Variants in PCDHA2 observed in about 807,000 individuals in gnomAD.
PCDHA2 encodes protocadherin alpha 2, also known as protocadherin alpha-2.
PCDHA2 carries 58 observed loss-of-function variants against 66.0 expected under a neutral mutation model. That is an observed-to-expected ratio of 0.88 (90% CI 0.71 to 1.09). The LOEUF (loss-of-function observed/expected upper bound fraction) is 1.09, where lower values mean the gene tolerates loss of function less well. Among genes scored for constraint, PCDHA2 ranks in the 50% least tolerant of loss-of-function variants. PCDHA2 has a pLI of 0.00. For missense variants in PCDHA2, 1,267 were observed against 1,242.3 expected (o/e 1.02, Z -0.30); for synonymous variants, 634 against 554.0 (o/e 1.14, Z -2.03).
intron 1 of PCDHA2, among the ~76,000 whole-genome samples, chr5:140,819,167 G>A (rs1766503722): frequency 6.6e-6 from 1 of 152,002 alleles, no homozygotes; most frequent in Non-Finnish European, 1.5e-5. Flanking sequence ...ATTAATTTTT[G>A]AAGAATCAAA....
rs2150311050 is a variant in PCDHA2, at chr5:140,841,098, T to C, written c.2388+43746T>C. The C allele has an allele frequency of 1.6e-4, 93 of 572,610 alleles. 1 individual carries two copies. The highest frequency in any genetic ancestry group is 1.4e-3 in the African/African-American group (77 of 53,518). The allele number at this position is 572,610 out of a possible 1,614,324, so 35.5% of individuals were successfully genotyped here. On this transcript the variant is annotated intron_variant, in intron 1 of 3. Transcript: ENST00000526136. ...GAAAGTGCATAGAAGAACCCAGATA[T>C]TGCGGAAGTAATTCATGTAATCATT...
intron 1 of PCDHA2, among the ~76,000 whole-genome samples, chr5:140,879,016 G>A (rs2057813975): frequency 6.6e-6 from 1 of 152,188 alleles, no homozygotes; most frequent in African/African-American, 2.4e-5. Context: ...ATCAGATAAT[G>A]TTTTATTGAA....
intron 1 of PCDHA2, among the ~76,000 whole-genome samples, chr5:140,918,162 A>G (rs1344100803): frequency 1.3e-5 from 2 of 152,122 alleles, no homozygotes; most frequent in Non-Finnish European, 2.9e-5. Context: ...TCTATTGTAA[A>G]TGGCATTGTG....
At chr5:140,909,870 C>T (rs2074741279) in intron 1 of PCDHA2, among the ~76,000 whole-genome samples, 1 of 152,206 alleles carries the variant, frequency 6.6e-6, no homozygotes. Context: ...GAGTCAACGT[C>T]AGCTTAGAGA....
At chr5:140,929,592 C>A in intron 1 of PCDHA2, 1 of 424,552 alleles carries the variant, frequency 2.4e-6, no homozygotes, top group Non-Finnish European at 4.2e-6. Flanking sequence ...ACATAAAGGT[C>A]TAAAATTAAA....
intron 1 of PCDHA2, chr5:140,857,163 G>A: frequency 1.3e-6 from 2 of 1,598,406 alleles, no homozygotes; most frequent in Non-Finnish European, 1.7e-6. Flanking sequence ...GCCCTAATCA[G>A]CGTTTCTGAC....
rs2150113743 is a variant in PCDHA2, at chr5:140,822,110, C to T, written c.2388+24758C>T. 266 of 1,614,090 alleles carry T rather than the reference C, an allele frequency of 1.6e-4. No individual in the cohort carries two copies. Among genetic ancestry groups the T allele is most frequent in the Non-Finnish European group, 2.2e-4 (256 of 1,180,060 alleles). ...CACCTGGAGGTGATCGTGGACAGGC[C>T]GCTGCAGGTTTTCCATGTGGAGGTG... On this transcript the variant is annotated intron_variant, in intron 1 of 3. Coordinates refer to ENST00000526136, the MANE Select transcript of PCDHA2 (RefSeq NM_018905.3).
chr5:140,981,787 T>C (rs2096951436), intron 2 of PCDHA2, among the ~76,000 whole-genome samples: 1 of 152,116 alleles, frequency 6.6e-6, no homozygotes, highest in Non-Finnish European at 1.5e-5. Flanking sequence ...CCATGTTCTC[T>C]TTTCCCTTGA....
chr5:140,836,709 C>A, intron 1 of PCDHA2: 2 of 1,613,210 alleles, frequency 1.2e-6, no homozygotes, highest in Non-Finnish European at 1.7e-6. Context: ...CAGTCCCAGC[C>A]TTCCTCAGGG....
At chr5:140,898,400 C>T (rs1374307667) in intron 1 of PCDHA2, among the ~76,000 whole-genome samples, 1 of 152,178 alleles carries the variant, frequency 6.6e-6, no homozygotes, top group Non-Finnish European at 1.5e-5. Flanking sequence ...TTTCAGCTTT[C>T]TACATACGGC....
At chr5:140,882,049 T>G in intron 1 of PCDHA2, 2 of 752,814 alleles carry the variant, frequency 2.7e-6, no homozygotes, top group Non-Finnish European at 4.1e-6. Context: ...TGAGTCATAC[T>G]TACACTTACA....
intron 1 of PCDHA2, chr5:140,801,170 G>A (rs1424999491): frequency 1.9e-6 from 3 of 1,563,238 alleles, no homozygotes; most frequent in African/African-American, 2.7e-5. Context: ...CAATGTAAAG[G>A]CAATCTAATA....
chr5:140,863,834 A>G lies in PCDHA2; in HGVS notation c.2388+66482A>G, dbSNP rs868982708. The G allele has an allele frequency of 1.6e-5, 3 of 185,882 alleles. No homozygotes were observed. The East Asian group carries it at 3.9e-4, about 24-fold the overall frequency. The allele number at this position is 185,882 out of a possible 1,614,324, so 11.5% of individuals were successfully genotyped here. A position where few individuals can be genotyped will look rare whatever the true frequency, so the allele number is the denominator to read the frequency against. The stretch of plus-strand genomic sequence containing the variant: ...GCCAACATGGTGAAACTCCATCTCT[A>G]CTAAAGATATAAAAAAATTAGCTGG... On this transcript the variant is annotated intron_variant, in intron 1 of 3. Transcript: ENST00000526136.
At chr5:140,877,811 G>A in intron 1 of PCDHA2, 1 of 1,610,242 alleles carries the variant, frequency 6.2e-7, no homozygotes, top group Non-Finnish European at 8.5e-7. Context: ...CAGCTGTCTC[G>A]AGAAGATTGT....
At chr5:140,848,538 C>G in intron 1 of PCDHA2, 1 of 1,595,318 alleles carries the variant, frequency 6.3e-7, no homozygotes. Flanking sequence ...TCAGCCTCTA[C>G]TGCTCTCGCT....
At chr5:140,964,173 C>A (rs1052958313) in intron 1 of PCDHA2, among the ~76,000 whole-genome samples, 5 of 152,174 alleles carry the variant, frequency 3.3e-5, no homozygotes, top group Non-Finnish European at 7.4e-5. Context: ...GGAACGAAAT[C>A]ATTATAGTGC....
At chr5:140,987,444 C>G (rs2097254283) in intron 3 of PCDHA2, among the ~76,000 whole-genome samples, 1 of 151,998 alleles carries the variant, frequency 6.6e-6, no homozygotes, top group African/African-American at 2.4e-5. Flanking sequence ...TCCCCATGCC[C>G]GAGAGATAAT....
At chr5:140,906,813 A>G (rs1287106484) in intron 1 of PCDHA2, among the ~76,000 whole-genome samples, 4 of 152,042 alleles carry the variant, frequency 2.6e-5, no homozygotes, top group African/African-American at 4.8e-5. Flanking sequence ...CCTTACCTCC[A>G]CTGTGGAGTA....
intron 1 of PCDHA2, among the ~76,000 whole-genome samples, chr5:140,902,203 C>CTTT (rs148688132): frequency 4.8e-5 from 6 of 124,458 alleles, no homozygotes; most frequent in Non-Finnish European, 8.4e-5. Flanking sequence ...CTCTCTCTTT[C>CTTT]TTTTTTTTTT....
Sources: allele counts gnomAD v4.1 joint callset (sites outside exome capture counted in the v4.1 genomes callset), GRCh38; gene constraint gnomAD v4.1.1; transcripts MANE v1.5; gene names NCBI Gene and HGNC (gene_info 2026-07-23, HGNC 2026-07-21).